LINGO2: variants seen among roughly 807,000 people sequenced by gnomAD.
LINGO2 encodes the protein leucine-rich repeat and immunoglobulin-like domain-containing nogo receptor-interacting protein 2.
LINGO2 carries 14 observed loss-of-function variants against 30.6 expected under a neutral mutation model. That is an observed-to-expected ratio of 0.46 (90% confidence interval 0.30 to 0.72). The LOEUF is 0.72. Ranked by LOEUF, LINGO2 falls within the 30% of genes least tolerant of loss-of-function variation. LINGO2 has a pLI of 0.07. For missense variants in LINGO2, 729 were observed against 751.7 expected (o/e 0.97, Z 0.35); for synonymous variants, 317 against 288.5 (o/e 1.10, Z -1.00).
the LINGO2 span, among the ~76,000 whole-genome samples, chr9:28,965,965 G>C: frequency 1.3e-5 from 2 of 152,136 alleles, no homozygotes; most frequent in Non-Finnish European, 2.9e-5. Context: ...AGCCCCAAAA[G>C]CCAATTTAAA....
At chr9:28,024,550 T>C (rs962431082) in intron 4 of LINGO2, among the ~76,000 whole-genome samples, 4 of 152,288 alleles carry the variant, frequency 2.6e-5, no homozygotes, top group African/African-American at 7.2e-5. Flanking sequence ...GATCTTCAGA[T>C]TTTGCATTTA....
intron 4 of LINGO2, among the ~76,000 whole-genome samples, chr9:28,043,325 A>G (rs950071168): frequency 6.6e-6 from 1 of 152,234 alleles, no homozygotes; most frequent in Non-Finnish European, 1.5e-5. Context: ...TGTTGACTGC[A>G]TGCCCTCAAC....
chr9:28,533,108 C>T (rs1187028410), intron 1 of LINGO2, among the ~76,000 whole-genome samples: 1 of 151,894 alleles, frequency 6.6e-6, no homozygotes, highest in Non-Finnish European at 1.5e-5. Flanking sequence ...AATCAGCTGC[C>T]AGCACGGCTA....
the LINGO2 span, among the ~76,000 whole-genome samples, chr9:28,832,423 C>T: frequency 2.0e-5 from 3 of 152,120 alleles, no homozygotes; most frequent in African/African-American, 7.2e-5. Flanking sequence ...GGGACTAACA[C>T]CAGTGATTCA....
At chr9:28,931,219 T>C in the LINGO2 span, among the ~76,000 whole-genome samples, 29 of 152,322 alleles carry the variant, frequency 1.9e-4, no homozygotes, top group African/African-American at 7.0e-4. Context: ...CATTTCAGAT[T>C]AAATGACAGT....
intron 3 of LINGO2, among the ~76,000 whole-genome samples, chr9:28,358,913 C>G (rs1407180236): frequency 6.6e-6 from 1 of 152,020 alleles, no homozygotes; most frequent in Non-Finnish European, 1.5e-5. Flanking sequence ...AGGTTGAATC[C>G]AACTGCTGCT....
the LINGO2 span, among the ~76,000 whole-genome samples, chr9:29,161,249 A>G: frequency 6.6e-6 from 1 of 152,190 alleles, no homozygotes; most frequent in East Asian, 1.9e-4. Flanking sequence ...TGAGGGAGCT[A>G]GTGTGAAAAA....
At chr9:28,858,863 C>T in the LINGO2 span, among the ~76,000 whole-genome samples, 1 of 152,014 alleles carries the variant, frequency 6.6e-6, no homozygotes, top group Admixed American at 6.6e-5. Context: ...TAAAGGTAAA[C>T]ATTTCCCAAA....
chr9:28,113,323 A>AGG, intron 4 of LINGO2, among the ~76,000 whole-genome samples: 1 of 85,026 alleles, frequency 1.2e-5, no homozygotes, highest in African/African-American at 4.7e-5. Flanking sequence ...GCCTTGTAGT[A>AGG]TAGTTTGAAG....
chr9:29,128,221 G>A, the LINGO2 span, among the ~76,000 whole-genome samples: 1 of 152,108 alleles, frequency 6.6e-6, no homozygotes, highest in South Asian at 2.1e-4. Flanking sequence ...ACCAAACGGG[G>A]ACACCCTAGG....
At chr9:28,676,781 A>G in the LINGO2 span, among the ~76,000 whole-genome samples, 1 of 152,150 alleles carries the variant, frequency 6.6e-6, no homozygotes, top group Non-Finnish European at 1.5e-5. Flanking sequence ...TGAAAACCCA[A>G]GAGTGAAAGC....
chr9:28,567,993 A>G (rs1254264043), intron 1 of LINGO2, among the ~76,000 whole-genome samples: 2 of 152,058 alleles, frequency 1.3e-5, no homozygotes, highest in Non-Finnish European at 2.9e-5. Flanking sequence ...TCAGCAAATC[A>G]CCAGGGAGTG....
At chr9:29,041,853 T>G in the LINGO2 span, among the ~76,000 whole-genome samples, 1 of 151,924 alleles carries the variant, frequency 6.6e-6, no homozygotes, top group African/African-American at 2.4e-5. Flanking sequence ...GTTGAAAGGA[T>G]GAAAAGTCAA....
chr9:28,040,121 T>C (rs1463607855), intron 4 of LINGO2, among the ~76,000 whole-genome samples: 1 of 152,212 alleles, frequency 6.6e-6, no homozygotes, highest in East Asian at 1.9e-4. Context: ...GTTGAATGAT[T>C]ATCACTCCCT....
the LINGO2 span, among the ~76,000 whole-genome samples, chr9:28,967,334 T>C: frequency 6.6e-6 from 1 of 152,166 alleles, no homozygotes; most frequent in African/African-American, 2.4e-5. Flanking sequence ...TGAAGCAATA[T>C]TGTAAGGAAA....
chr9:27,964,382 G>A (rs1350460156), intron 5 of LINGO2, among the ~76,000 whole-genome samples: 1 of 152,076 alleles, frequency 6.6e-6, no homozygotes, highest in African/African-American at 2.4e-5. Context: ...GGGGGTAACT[G>A]AAGATAGTAT....
the LINGO2 span, among the ~76,000 whole-genome samples, chr9:28,723,649 C>T: frequency 6.6e-6 from 1 of 152,064 alleles, no homozygotes; most frequent in Non-Finnish European, 1.5e-5. Flanking sequence ...CTCCTATTAT[C>T]AAAGTAGCCC....
At chr9:28,439,766 C>G (rs992171790) in intron 2 of LINGO2, among the ~76,000 whole-genome samples, 4 of 152,104 alleles carry the variant, frequency 2.6e-5, no homozygotes, top group African/African-American at 9.7e-5. Context: ...CATAAATTAG[C>G]CAGTCTCAGG....
chr9:28,311,937 C>T (rs1028168126), intron 3 of LINGO2, among the ~76,000 whole-genome samples: 3 of 151,980 alleles, frequency 2.0e-5, no homozygotes, highest in Non-Finnish European at 2.9e-5. Context: ...TAAAGACAGG[C>T]GTAAGAAATT....
Sources: allele counts gnomAD v4.1 joint callset (sites outside exome capture counted in the v4.1 genomes callset), GRCh38; gene constraint gnomAD v4.1.1; transcripts MANE v1.5; gene names NCBI Gene and HGNC (gene_info 2026-07-23, HGNC 2026-07-21).